C11orf98: variants seen among roughly 807,000 people sequenced by gnomAD.
C11orf98 encodes 28S rRNA/ribosome and sororin micro-cofactor.
Under a neutral mutation model 10.9 loss-of-function variants are expected in C11orf98, and 7 were observed. The ratio of observed to expected loss-of-function variants is 0.64; its 90% CI spans 0.37 to 1.21. The LOEUF (loss-of-function observed/expected upper bound fraction) is 1.21. Among genes scored for constraint, C11orf98 ranks in the 50% most tolerant of loss-of-function variants. C11orf98 has a pLI of 0.02. For missense variants in C11orf98, 181 were observed against 153.7 expected (o/e 1.18, Z -0.94); for synonymous variants, 70 against 57.2 (o/e 1.22, Z -1.01).
At chr11:62,663,355 A>G in intron 2 of C11orf98, 22 bp from the exon 3 acceptor site, 1 of 1,610,878 alleles carries the variant, frequency 6.2e-7, no homozygotes, top group Non-Finnish European at 8.5e-7. Flanking sequence ...GTGGAAATAA[A>G]GAGAGCTAGG....
intron 2 of C11orf98, among the ~76,000 whole-genome samples, chr11:62,664,323 ATTCTTT>A (rs890729316): frequency 2.4e-5 from 3 of 124,060 alleles, no homozygotes; most frequent in African/African-American, 9.3e-5. Flanking sequence ...ATTTCCTGAT[ATTCTTT>A]TTTTTTTTTT....
intron 2 of C11orf98, among the ~76,000 whole-genome samples, chr11:62,664,557 C>T (rs977344455): frequency 1.3e-5 from 2 of 152,020 alleles, no homozygotes; most frequent in African/African-American, 4.8e-5. Context: ...TCTCGAACTC[C>T]CGACCTCAGG....
chr11:62,664,968 C>T lies in C11orf98; in HGVS notation c.45G>A (p.Leu15=). The part of the protein sequence containing the change: ...GGKINRPRTE[L]KKKLFKRRRV... ...GCCGGCGTTTGAACAGCTTCTTCTTCAGCTCCTGCCGGGGAGAAAGATGCG... is the reference window on the plus strand; with the variant it reads ...GCCGGCGTTTGAACAGCTTCTTCTTTAGCTCCTGCCGGGGAGAAAGATGCG... The change falls in exon 2 of 4, where the codon CTG becomes CTA. Residue 15 remains leucine, a synonymous_variant. Coordinates refer to ENST00000524958, the MANE Select transcript of C11orf98 (RefSeq NM_001286086.2). 1 of 1,611,490 alleles carries T rather than the reference C, an allele frequency of 6.2e-7. No individual in the cohort carries two copies. The highest frequency in any genetic ancestry group is 8.5e-7 in the Non-Finnish European group (1 of 1,179,706).
At position 62,664,947 on chromosome 11, in the gene C11orf98, G is replaced by A. The variant is rs754392146; in HGVS notation, c.66C>T (p.Arg22=). 19 of 1,611,484 alleles carry A rather than the reference G, an allele frequency of 1.2e-5. No homozygotes were observed. In the Admixed American group the frequency reaches 1.7e-4, roughly 14 times the overall value. The change falls in exon 2 of 4, where the codon CGC becomes CGT. Residue 22 remains arginine (R), a synonymous_variant. Coordinates refer to ENST00000524958, the MANE Select transcript of C11orf98 (RefSeq NM_001286086.2). ...GCCGCTCCCGATTCAACACCCGCCGGCGTTTGAACAGCTTCTTCTTCAGCT... is the reference window on the plus strand; with the variant it reads ...GCCGCTCCCGATTCAACACCCGCCGACGTTTGAACAGCTTCTTCTTCAGCT... The part of the protein sequence containing the change: ...RTELKKKLFK[R]RRVLNRERRL...
chr11:62,663,501 T>C (rs1944708880), intron 2 of C11orf98, among the ~76,000 whole-genome samples, 168 bp from the exon 3 acceptor site: 1 of 151,388 alleles, frequency 6.6e-6, no homozygotes, highest in Non-Finnish European at 1.5e-5. Context: ...GGTCAGGAGA[T>C]CGAGACCACG....
intron 2 of C11orf98, among the ~76,000 whole-genome samples, chr11:62,664,301 G>A (rs1944732129): frequency 6.6e-6 from 1 of 151,064 alleles, no homozygotes; most frequent in Admixed American, 6.6e-5. Context: ...TTGGAGAATG[G>A]AGAGCCAACA....
intron 2 of C11orf98, among the ~76,000 whole-genome samples, chr11:62,664,449 G>T (rs1395908923): frequency 1.3e-5 from 2 of 149,014 alleles, no homozygotes; most frequent in African/African-American, 2.5e-5. Context: ...TCCTGCCTCA[G>T]CCTCCCGTGT....
Position 62,665,137 on chromosome 11 carries a change from G to A in C11orf98, c.33C>T (p.Pro11=), listed in dbSNP as rs1944759344. Residue 11 remains proline (P), a synonymous_variant, in exon 1 of 4, where the codon CCC becomes CCT. Coordinates refer to ENST00000524958, the MANE Select transcript of C11orf98 (RefSeq NM_001286086.2). MGAPGGKINR[P]RTELKKKLFK... is the part of the protein sequence containing the mutation. ...GCGGCCCCCACACAGTCACCGTTCG[G>A]GGCCGGTTGATCTTTCCCCCCGGAG... is the stretch of plus-strand genomic sequence containing the variant. 1 of 1,065,702 alleles carries A rather than the reference G, an allele frequency of 9.4e-7. No individual in the cohort carries two copies. Among genetic ancestry groups the A allele is most frequent in the Admixed American group, 2.0e-5 (1 of 50,428 alleles). The allele number at this position is 1,065,702 out of a possible 1,614,324, so 66.0% of individuals were successfully genotyped here. A position where few individuals can be genotyped will look rare whatever the true frequency, so the allele number is the denominator to read the frequency against.
Position 62,663,094 on chromosome 11 carries a change from C to CT in C11orf98, c.327dup (p.Ala110SerfsTer11), listed in dbSNP as rs755148668. The CT allele has an allele frequency of 6.2e-7, 1 of 1,613,206 alleles. No homozygotes were observed. Among genetic ancestry groups the CT allele is most frequent in the East Asian group, 2.2e-5 (1 of 44,882 alleles). ...TCCTTCATTTCTACATCCTGGGGGG[C>CT]TTTTGTCTTCTTTTGCCTTTTGAGC... On this transcript the variant is annotated frameshift_variant, in exon 4 of 4. Transcript: ENST00000524958. LOFTEE classifies it high-confidence loss of function.
At position 62,663,014 on chromosome 11, in the gene C11orf98, G is replaced by T; in HGVS notation, c.*36C>A. On this transcript the variant is annotated 3_prime_UTR_variant, in exon 4 of 4. Coordinates refer to ENST00000524958, the MANE Select transcript of C11orf98 (RefSeq NM_001286086.2). ...TCTGAAACAACCACTGAGTCTGAAG[G>T]CTGGCTCCAGTTGAGAATCTTCTAG... The T allele has an allele frequency of 6.8e-7, 1 of 1,476,566 alleles. No homozygotes were observed. Among genetic ancestry groups the T allele is most frequent in the East Asian group, 2.3e-5 (1 of 44,176 alleles). The allele number at this position is 1,476,566 out of a possible 1,614,324, so 91.5% of individuals were successfully genotyped here.
In C11orf98 at chr11:62,663,271, ATCTGCTGGAGGAGTTT is replaced by A; in HGVS notation, c.211_226del (p.Lys71SerfsTer39). The A allele has an allele frequency of 6.2e-7, 1 of 1,614,178 alleles. No individual in the cohort carries two copies. The highest frequency in any genetic ancestry group is 1.7e-5 in the Admixed American group (1 of 60,006). Reference sequence around the variant, plus strand: ...TGTCTTCTCTTTCTGGGCAAGCCGGATCTGCTGGAGGAGTTTTCTGCGCTTCTTCCCTGACAGTGTA... The same window carrying A: ...TGTCTTCTCTTTCTGGGCAAGCCGGATCTGCGCTTCTTCCCTGACAGTGTA... On this transcript the variant is annotated frameshift_variant, in exon 3 of 4. Transcript: ENST00000524958. LOFTEE classifies it high-confidence loss of function.
intron 2 of C11orf98, among the ~76,000 whole-genome samples, chr11:62,664,157 G>A (rs1038915749): frequency 2.0e-5 from 3 of 151,032 alleles, no homozygotes; most frequent in East Asian, 3.9e-4. Context: ...GACACAGGAG[G>A]CCTTGAAACT....
chr11:62,664,228 T>C (rs1374228043), intron 2 of C11orf98, among the ~76,000 whole-genome samples: 1 of 151,762 alleles, frequency 6.6e-6, no homozygotes, highest in Admixed American at 6.6e-5. Flanking sequence ...CGCCTATGTG[T>C]GCACTTTTCT....
intron 2 of C11orf98, among the ~76,000 whole-genome samples, chr11:62,664,326 C>CTTTTTTTTT (rs35917869): frequency 2.6e-5 from 2 of 77,438 alleles, no homozygotes; most frequent in Non-Finnish European, 4.6e-5. Flanking sequence ...TCCTGATATT[C>CTTTTTTTTT]TTTTTTTTTT....
At position 62,664,941 on chromosome 11, in the gene C11orf98, C is replaced by T. The variant is rs1944753469; in HGVS notation, c.72G>A (p.Arg24=). 1 of 1,610,440 alleles carries T rather than the reference C, an allele frequency of 6.2e-7. No individual in the cohort carries two copies. Among genetic ancestry groups the T allele is most frequent in the Non-Finnish European group, 8.5e-7 (1 of 1,178,774 alleles). Residue 24 remains arginine (R), a synonymous_variant, in exon 2 of 4, where the codon CGG becomes CGA. Transcript: ENST00000524958. ...TCAGACGCCGCTCCCGATTCAACAC[C>T]CGCCGGCGTTTGAACAGCTTCTTCT... The part of the protein sequence containing the change: ...ELKKKLFKRR[R]VLNRERRLRH...
In C11orf98 at chr11:62,663,315, G is replaced by A; in HGVS notation, c.183C>T (p.Asn61=). Residue 61 remains asparagine (N), a synonymous_variant, in exon 3 of 4, where the codon AAC becomes AAT. Coordinates refer to ENST00000524958, the MANE Select transcript of C11orf98 (RefSeq NM_001286086.2). ...TGCGCTTCTTCCCTGACAGTGTAATGTTGGCACGTGCACTGGACCTGATGG... is the reference window on the plus strand; with the variant it reads ...TGCGCTTCTTCCCTGACAGTGTAATATTGGCACGTGCACTGGACCTGATGG... ...LKKRASSARA[N]ITLSGKKRRK... The A allele has an allele frequency of 6.2e-7, 1 of 1,614,164 alleles. No individual in the cohort carries two copies. Among genetic ancestry groups the A allele is most frequent in the Non-Finnish European group, 8.5e-7 (1 of 1,180,032 alleles).
At chr11:62,664,492 G>A (rs1196321600) in intron 2 of C11orf98, among the ~76,000 whole-genome samples, 1 of 151,764 alleles carries the variant, frequency 6.6e-6, no homozygotes, top group African/African-American at 2.4e-5. Context: ...CACAACGCCT[G>A]GCTAATTTTT....
chr11:62,663,009 T>C lies in C11orf98; in HGVS notation c.*41A>G. 4.8e-6 allele frequency: 7 copies of C among 1,464,886 alleles called. No homozygotes were observed. The highest frequency in any genetic ancestry group is 4.7e-6 in the Non-Finnish European group (5 of 1,059,066). The allele number at this position is 1,464,886 out of a possible 1,614,324, so 90.7% of individuals were successfully genotyped here. ...AGTCCTCTGAAACAACCACTGAGTC[T>C]GAAGGCTGGCTCCAGTTGAGAATCT... On this transcript the variant is annotated 3_prime_UTR_variant, in exon 4 of 4. Coordinates refer to ENST00000524958, the MANE Select transcript of C11orf98 (RefSeq NM_001286086.2).
At chr11:62,664,726 A>G (rs1944747592) in intron 2 of C11orf98, 123 bp downstream of exon 2, 4 of 1,289,204 alleles carry the variant, frequency 3.1e-6, no homozygotes, top group Admixed American at 2.5e-5. Context: ...AACAGCCGAC[A>G]GACATTCCCC....
Sources: allele counts gnomAD v4.1 joint callset (sites outside exome capture counted in the v4.1 genomes callset), GRCh38; gene constraint gnomAD v4.1.1; transcripts MANE v1.5; gene names NCBI Gene and HGNC (gene_info 2026-07-23, HGNC 2026-07-21).